The following PPP3CC variants were observed in gnomAD, a reference collection of about 807,000 sequenced individuals.
PPP3CC encodes the protein protein phosphatase 3 catalytic subunit gamma.
PPP3CC carries 35 observed loss-of-function variants against 60.3 expected under a neutral mutation model. The ratio of observed to expected loss-of-function variants is 0.58; its 90% CI spans 0.44 to 0.77. The LOEUF (loss-of-function observed/expected upper bound fraction) is 0.77, where lower values mean the gene tolerates loss of function less well. Ranked by LOEUF, PPP3CC falls within the 30% of genes least tolerant of loss-of-function variation. The probability of loss-of-function intolerance (pLI) is 0.00; values close to 1 mark genes in which losing one functional copy is unlikely to be tolerated. For missense variants in PPP3CC, 570 were observed against 628.9 expected, an observed-to-expected ratio of 0.91 and a Z score of 1.00; for synonymous variants, 206 against 224.3, an observed-to-expected ratio of 0.92 and a Z score of 0.73.
chr8:22,458,530 A>G (rs1462376481), intron 1 of PPP3CC, among the ~76,000 whole-genome samples: 5 of 152,022 alleles, frequency 3.3e-5, no homozygotes. Flanking sequence ...CCTGAGAGGC[A>G]GAGGTTGCAG....
chr8:22,530,690 G>A (rs1839685693), intron 10 of PPP3CC, among the ~76,000 whole-genome samples: 2 of 150,952 alleles, frequency 1.3e-5, no homozygotes, highest in African/African-American at 2.4e-5. Context: ...AATTAGCTGG[G>A]GTGTGGTGGC....
At chr8:22,496,056 T>C (rs2461493) in intron 3 of PPP3CC, among the ~76,000 whole-genome samples, 67,517 of 151,746 alleles carry the variant, frequency 0.44, 15,258 homozygotes, top group East Asian at 0.6. Flanking sequence ...TTGTTGTTTA[T>C]TGTGCTTTGT....
At chr8:22,504,084 A>T (rs1452439855) in intron 4 of PPP3CC, among the ~76,000 whole-genome samples, 1 of 152,154 alleles carries the variant, frequency 6.6e-6, no homozygotes, top group Non-Finnish European at 1.5e-5. Context: ...TATCAATCTT[A>T]AATTGCTTTA....
intron 6 of PPP3CC, among the ~76,000 whole-genome samples, chr8:22,514,867 G>A (rs775267850): frequency 5.3e-5 from 8 of 151,442 alleles, no homozygotes; most frequent in Non-Finnish European, 8.8e-5. Context: ...TTTTAGAGAT[G>A]GGGTTTCACC....
chr8:22,466,147 TC>T (rs1837515506), intron 1 of PPP3CC, among the ~76,000 whole-genome samples: 1 of 145,416 alleles, frequency 6.9e-6, no homozygotes, highest in Non-Finnish European at 1.5e-5. Context: ...TTCATCCATG[TC>T]CCTGCAAAGG....
intron 3 of PPP3CC, among the ~76,000 whole-genome samples, chr8:22,489,720 T>TTATATATTATATATTATATATAAG (rs2132495725): frequency 7.1e-6 from 1 of 140,942 alleles, no homozygotes; most frequent in East Asian, 2.0e-4. Flanking sequence ...TAAGTATATA[T>TTATATATTATATATTATATATAAG]TATATATTAT....
chr8:22,539,492 C>T lies in PPP3CC; in HGVS notation c.1345C>T (p.Arg449Trp), dbSNP rs777212433. The T allele has an allele frequency of 4.5e-5, 73 of 1,613,726 alleles. No individual in the cohort carries two copies. The highest frequency in any genetic ancestry group is 3.5e-5 in the Non-Finnish European group (41 of 1,179,952). ...AGCCACAGTAGAAGCGGTAGAGGCC[C>T]GGGAAGGTATGGCCATATTACTCTG... The part of the protein sequence containing the change: ...ETATVEAVEA[R>W]EAIRGFSLQH... Residue 449 changes from arginine (R) to tryptophan (W), a missense_variant, in exon 13 of 14, where the codon CGG becomes TGG. Physicochemically the swap from Arg to Trp is moderately radical, Grantham distance 101. Transcript: ENST00000240139.
intron 8 of PPP3CC, among the ~76,000 whole-genome samples, chr8:22,524,716 C>T (rs1022787521): frequency 6.6e-6 from 1 of 152,152 alleles, no homozygotes; most frequent in Non-Finnish European, 1.5e-5. Flanking sequence ...CTATTGATTG[C>T]TCAATGGATT....
chr8:22,497,021 A>G (rs1005937977), intron 3 of PPP3CC, among the ~76,000 whole-genome samples: 4 of 151,440 alleles, frequency 2.6e-5, no homozygotes, highest in African/African-American at 9.7e-5. Context: ...TTCTGTATAA[A>G]AGGTCTATTT....
intron 1 of PPP3CC, among the ~76,000 whole-genome samples, chr8:22,462,434 G>A (rs561811012): frequency 1.1e-3 from 166 of 152,252 alleles, no homozygotes; most frequent in Middle Eastern, 6.8e-3. Flanking sequence ...CCGCTAAACT[G>A]GAACATTTAC....
chr8:22,475,426 T>C, intron 2 of PPP3CC, 74 bp from the exon 3 acceptor site: 1 of 1,461,662 alleles, frequency 6.8e-7, no homozygotes, highest in Non-Finnish European at 9.3e-7. Context: ...AGTTAAACTG[T>C]GATCCCTTTT....
At chr8:22,511,370 A>G in intron 5 of PPP3CC, 139 bp downstream of exon 5, 1 of 886,634 alleles carries the variant, frequency 1.1e-6, no homozygotes, top group Non-Finnish European at 1.7e-6. Flanking sequence ...GCTCACTGCA[A>G]CCTCCGCCTC....
At position 22,455,808 on chromosome 8, in the gene PPP3CC, G is replaced by T; in HGVS notation, c.49+14350G>T. 1.3e-5 allele frequency among the ~76,000 whole-genome samples: 2 copies of T among 151,992 alleles called. 1 individual carries two copies. The highest frequency in any genetic ancestry group is 2.9e-5 in the Non-Finnish European group (2 of 67,996). On this transcript the variant is annotated intron_variant, in intron 1 of 13. Coordinates refer to ENST00000240139, the MANE Select transcript of PPP3CC (RefSeq NM_005605.5). Reference sequence around the variant, plus strand: ...AGCTAATACTTTGAAAGTGAGTTCTGTGACTATTATTACTTAGTTGGTTCT... The same window carrying T: ...AGCTAATACTTTGAAAGTGAGTTCTTTGACTATTATTACTTAGTTGGTTCT...
intron 8 of PPP3CC, among the ~76,000 whole-genome samples, chr8:22,524,699 A>G (rs1422800808): frequency 6.6e-6 from 1 of 152,246 alleles, no homozygotes; most frequent in Non-Finnish European, 1.5e-5. Flanking sequence ...TTCATCAAAA[A>G]GAGTATCTAT....
chr8:22,506,679 C>T (rs571767723), intron 4 of PPP3CC, among the ~76,000 whole-genome samples: 19 of 152,064 alleles, frequency 1.2e-4, no homozygotes, highest in Non-Finnish European at 1.9e-4. Flanking sequence ...CAGTGGCTCA[C>T]GCCTGTAATC....
At position 22,511,077 on chromosome 8, in the gene PPP3CC, T is replaced by G; in HGVS notation, c.485-9T>G. On this transcript the variant is annotated splice_polypyrimidine_tract_variant and intron_variant, in intron 4 of 13. Transcript: ENST00000240139. Reference sequence around the variant, plus strand: ...GTTCTTCCATTGACTGGTTTTCCTTTTTTGTTAGGTCGAATCAAATATTCG... The same window carrying G: ...GTTCTTCCATTGACTGGTTTTCCTTGTTTGTTAGGTCGAATCAAATATTCG... The G allele has an allele frequency of 6.2e-7, 1 of 1,613,188 alleles. No individual in the cohort carries two copies. The highest frequency in any genetic ancestry group is 1.1e-5 in the South Asian group (1 of 90,858).
chr8:22,470,059 TACAC>T (rs55658283), intron 1 of PPP3CC, among the ~76,000 whole-genome samples: 74 of 146,062 alleles, frequency 5.1e-4, no homozygotes, highest in Middle Eastern at 3.5e-3. Flanking sequence ...TATATATATA[TACAC>T]ACACACACAC....
intron 4 of PPP3CC, among the ~76,000 whole-genome samples, chr8:22,506,343 A>G (rs1838920440): frequency 6.6e-6 from 1 of 152,012 alleles, no homozygotes; most frequent in Admixed American, 6.6e-5. Context: ...CCTTTAACTC[A>G]AAGTTGTCAG....
rs1369750338 is a variant in PPP3CC, at chr8:22,460,616, T to A, written c.50-14338T>A. ...GGGAGAACTGCTTGAAGCCAGGAGTTTGAGACCAGCCTGGGCAACATGATG... is the reference window on the plus strand; with the variant it reads ...GGGAGAACTGCTTGAAGCCAGGAGTATGAGACCAGCCTGGGCAACATGATG... On this transcript the variant is annotated intron_variant, in intron 1 of 13. Coordinates refer to ENST00000240139, the MANE Select transcript of PPP3CC (RefSeq NM_005605.5). Among the ~76,000 whole-genome samples the A allele has an allele frequency of 3.3e-5, 5 of 151,978 alleles. No individual in the cohort carries two copies. The South Asian group carries it at 1.0e-3, about 32-fold the overall frequency.
Sources: allele counts gnomAD v4.1 joint callset (sites outside exome capture counted in the v4.1 genomes callset), GRCh38; gene constraint gnomAD v4.1.1; transcripts MANE v1.5; gene names NCBI Gene and HGNC (gene_info 2026-07-23, HGNC 2026-07-21).